The following YY1AP1 variants were observed in gnomAD, a reference collection of about 807,000 sequenced individuals.
The protein encoded by YY1AP1 is YY1-associated protein 1.
YY1AP1 carries 43 observed loss-of-function variants against 39.9 expected under a neutral mutation model. The observed-to-expected ratio is 1.08, with a 90% confidence interval of 0.84 to 1.39. The LOEUF (loss-of-function observed/expected upper bound fraction) is 1.39, where lower values mean the gene tolerates loss of function less well. Ranked by LOEUF, YY1AP1 falls within the 40% of genes most tolerant of loss-of-function variation. The probability of loss-of-function intolerance (pLI) is 0.00; values close to 1 mark genes in which losing one functional copy is unlikely to be tolerated. For synonymous variants in YY1AP1, 292 were observed against 331.3 expected, an observed-to-expected ratio of 0.88 and a Z score of 1.29; for missense variants, 813 against 900.7, an observed-to-expected ratio of 0.90 and a Z score of 1.25.
chr1:155,679,160 G>A (rs991326606), intron 4 of YY1AP1: 70 of 1,439,966 alleles, frequency 4.9e-5, no homozygotes, highest in South Asian at 1.5e-4. Context: ...CCACTCACCC[G>A]GAGAAGTGGA....
At chr1:155,666,700 T>TA (rs545069816) in intron 9 of YY1AP1, among the ~76,000 whole-genome samples, 12,054 of 144,392 alleles carry the variant, frequency 0.083, 512 homozygotes, top group Middle Eastern at 0.13. Flanking sequence ...ACCCCATCCC[T>TA]AAAAAAAAAA....
Position 155,659,551 on chromosome 1 carries a change from T to G in YY1AP1, c.*106A>C. ...GCTCAAGAGCCCCAGTTGCAAAATC[T>G]GGGGTTTAAGTACCCTTTAGGGGTT... On this transcript the variant is annotated 3_prime_UTR_variant, in exon 11 of 11. Coordinates refer to ENST00000355499, the MANE Select transcript of YY1AP1 (RefSeq NM_139119.3). The G allele has an allele frequency of 7.9e-7, 1 of 1,268,006 alleles. No individual in the cohort carries two copies. Among genetic ancestry groups the G allele is most frequent in the Non-Finnish European group, 1.1e-6 (1 of 910,664 alleles). 78.5% of individuals were successfully genotyped at this position (1,268,006 alleles called of 1,614,324 possible). A position where few individuals can be genotyped will look rare whatever the true frequency, so the allele number is the denominator to read the frequency against.
Position 155,661,391 on chromosome 1 carries a change from T to C in YY1AP1, c.912A>G (p.Leu304=), listed in dbSNP as rs1476623854. 1 of 1,613,836 alleles carries C rather than the reference T, an allele frequency of 6.2e-7. No homozygotes were observed. Among genetic ancestry groups the C allele is most frequent in the East Asian group, 2.2e-5 (1 of 44,890 alleles). The change falls in exon 10 of 11, where the codon CTA becomes CTG. Residue 304 remains leucine (L), a synonymous_variant. Transcript: ENST00000355499. The part of the protein sequence containing the change: ...FYKKTKQLPV[L]GKCCEEIQPH... ...GCTGGATCTCTTCACAGCATTTTCC[T>C]AGGACTGGCAGCTGTTTGGTCTTCT...
At chr1:155,677,480 T>G (rs1650871734) in intron 4 of YY1AP1, among the ~76,000 whole-genome samples, 1 of 152,240 alleles carries the variant, frequency 6.6e-6, no homozygotes, top group Admixed American at 6.5e-5. Context: ...AAAGGGAGAA[T>G]AATATACCTA....
At chr1:155,671,648 C>A (rs1649880845) in intron 7 of YY1AP1, among the ~76,000 whole-genome samples, 1 of 152,084 alleles carries the variant, frequency 6.6e-6, no homozygotes, top group South Asian at 2.1e-4. Flanking sequence ...GGCACCTCTG[C>A]ATTTCTAGAG....
rs757070737 is a variant in YY1AP1 at position 155,660,346 on chromosome 1, G to A, written c.1564C>T (p.Arg522Ter). The A allele has an allele frequency of 2.0e-5, 33 of 1,614,024 alleles. No individual in the cohort carries two copies. Among genetic ancestry groups the A allele is most frequent in the South Asian group, 5.5e-5 (5 of 91,080 alleles). Residue 522 changes from arginine (R) to a stop codon, truncating the protein, a stop_gained, in exon 11 of 11, where the codon CGA (arginine) becomes TGA (stop). Transcript: ENST00000355499. LOFTEE classifies it low-confidence loss of function (END_TRUNC). ...GGTCTCCGTCTCACATATGGCTTTC[G>A]AAACATGGAAGAGGCAGGGGAGGGC... The part of the protein sequence containing the change: ...MMPSPASSMF[R>*]KPYVRRRPSK...
At position 155,676,434 on chromosome 1, in the gene YY1AP1, G is replaced by C. The variant is rs607036; in HGVS notation, c.324+114C>G. On this transcript the variant is annotated intron_variant, in intron 5 of 10. Transcript: ENST00000355499. ...TGTGAAGATACTACGGTTTTAATACGTAGTAAGGTAACTATCTCTGACATT... is the reference window on the plus strand; with the variant it reads ...TGTGAAGATACTACGGTTTTAATACCTAGTAAGGTAACTATCTCTGACATT... 61 of 1,266,404 alleles carry C rather than the reference G, an allele frequency of 4.8e-5. No homozygotes were observed. The African/African-American group carries it at 8.7e-4, about 18-fold the overall frequency. The allele number at this position is 1,266,404 out of a possible 1,614,324, so 78.4% of individuals were successfully genotyped here.
At chr1:155,665,377 A>G (rs1042351650) in intron 9 of YY1AP1, among the ~76,000 whole-genome samples, 10 of 152,036 alleles carry the variant, frequency 6.6e-5, no homozygotes, top group African/African-American at 2.4e-4. Flanking sequence ...AAACGGGTGG[A>G]TCAAGAGGTC....
Position 155,672,542 on chromosome 1 carries a change from G to C in YY1AP1, c.583+18C>G, listed in dbSNP as rs1409442981. 6.2e-6 allele frequency: 10 copies of C among 1,604,966 alleles called. No homozygotes were observed. In the Admixed American group the frequency reaches 1.5e-4, roughly 24 times the overall value. On this transcript the variant is annotated intron_variant, in intron 7 of 10. Transcript: ENST00000355499. ...TCACCGCAAGTAAAAACTTAAAGCT[G>C]ACACATCTGTCTCCTACCAGTCTTC...
intron 8 of YY1AP1, 88 bp downstream of exon 8, chr1:155,670,232 T>A (rs184854821): frequency 6.4e-7 from 1 of 1,571,206 alleles, no homozygotes; most frequent in East Asian, 2.2e-5. Context: ...TGTCCATGTC[T>A]TATTATACAA....
chr1:155,664,125 G>GAA (rs749401754), intron 9 of YY1AP1, among the ~76,000 whole-genome samples: 2 of 129,522 alleles, frequency 1.5e-5, no homozygotes, highest in Admixed American at 7.9e-5. Flanking sequence ...CCCTGTCTCG[G>GAA]AAAAAAAAAA....
rs1392383034 is a variant in YY1AP1, at chr1:155,688,510, G to A, written c.-152+149C>T. 1.9e-6 allele frequency: 3 copies of A among 1,546,482 alleles called. No homozygotes were observed. The African/African-American group carries it at 4.1e-5, about 21-fold the overall frequency. ...CACGCGTACGAGTGTCTACGGGCTC[G>A]TCGCTGGCTGCTCCCACCAACCACC... On this transcript the variant is annotated intron_variant, in intron 1 of 10. Transcript: ENST00000355499.
At position 155,660,120 on chromosome 1, in the gene YY1AP1, G is replaced by A; in HGVS notation, c.1790C>T (p.Pro597Leu). 4 of 1,614,216 alleles carry A rather than the reference G, an allele frequency of 2.5e-6. No homozygotes were observed. The highest frequency in any genetic ancestry group is 3.4e-6 in the Non-Finnish European group (4 of 1,180,038). The part of the protein sequence containing the change: ...TIPIATLLVN[P>L]TSFPCPLNQP... ...GTTCAATGGACAGGGGAAGGAAGTA[G>A]GGTTAACCAAGAGGGTGGCGATGGG... Residue 597 changes from proline to leucine, a missense_variant, in exon 11 of 11, where the codon CCT becomes CTT. Transcript: ENST00000355499.
chr1:155,659,608 C>CGGA lies in YY1AP1; in HGVS notation c.*46_*48dup. 1 of 1,600,320 alleles carries CGGA rather than the reference C, an allele frequency of 6.2e-7. No individual in the cohort carries two copies. The highest frequency in any genetic ancestry group is 8.5e-7 in the Non-Finnish European group (1 of 1,170,594). On this transcript the variant is annotated 3_prime_UTR_variant, in exon 11 of 11. Transcript: ENST00000355499. ...TGGTTACACCCTATGCGCCACCAAT[C>CGGA]GGAGGCCGAAGTGAAGGCTCCCAGT...
At position 155,659,773 on chromosome 1, in the gene YY1AP1, C is replaced by A; in HGVS notation, c.2137G>T (p.Glu713Ter). 2 of 1,614,222 alleles carry A rather than the reference C, an allele frequency of 1.2e-6. No individual in the cohort carries two copies. Among genetic ancestry groups the A allele is most frequent in the Non-Finnish European group, 1.7e-6 (2 of 1,180,034 alleles). The change falls in exon 11 of 11, where the codon GAG (glutamate) becomes TAG (stop). Residue 713 changes from glutamate (E) to a stop codon, truncating the protein, a stop_gained. Transcript: ENST00000355499. LOFTEE classifies it low-confidence loss of function (END_TRUNC). ...TCCTGGATGCCCTGAGGGAGCGGCT[C>A]CAGAGCTTGCCTTCCCTCCTCTGTT... ...VKTEEGRQAL[E>*]PLPQGIQESL...
At chr1:155,669,526 ATAT>A (rs1209863027) in intron 8 of YY1AP1, among the ~76,000 whole-genome samples, 1 of 152,232 alleles carries the variant, frequency 6.6e-6, no homozygotes, top group Non-Finnish European at 1.5e-5. Context: ...GATGAGCTGT[ATAT>A]TAACAACACA....
At position 155,660,387 on chromosome 1, in the gene YY1AP1, A is replaced by G. The variant is rs868308436; in HGVS notation, c.1523T>C (p.Val508Ala). 1.2e-6 allele frequency: 2 copies of G among 1,614,214 alleles called. No homozygotes were observed. The highest frequency in any genetic ancestry group is 1.7e-6 in the Non-Finnish European group (2 of 1,180,040). ...ESQTLLSSAPVPKVMMPSPAS... is the reference protein window; with the variant it reads ...ESQTLLSSAPAPKVMMPSPAS... ...AGGGGAGGGCATCATTACCTTGGGCACAGGGGCAGAAGAGAGCAAAGTCTG... is the reference window on the plus strand; with the variant it reads ...AGGGGAGGGCATCATTACCTTGGGCGCAGGGGCAGAAGAGAGCAAAGTCTG... Residue 508 changes from valine to alanine, a missense_variant, in exon 11 of 11, where the codon GTG (valine) becomes GCG (alanine). This residue lies in a region of YY1AP1 where 586 missense variants were observed against 647.4 expected (regional missense o/e 0.91). Transcript: ENST00000355499.
intron 9 of YY1AP1, among the ~76,000 whole-genome samples, chr1:155,662,551 G>A (rs940418117): frequency 1.3e-5 from 2 of 151,122 alleles, no homozygotes; most frequent in Non-Finnish European, 1.5e-5. Flanking sequence ...ATGACAATAA[G>A]CATCTGTTCA....
At chr1:155,680,897 T>A (rs972324391) in intron 2 of YY1AP1, among the ~76,000 whole-genome samples, 1 of 150,616 alleles carries the variant, frequency 6.6e-6, no homozygotes, top group Non-Finnish European at 1.5e-5. Flanking sequence ...AAAACATTTA[T>A]TGAGTACTTA....
Sources: allele counts gnomAD v4.1 joint callset (sites outside exome capture counted in the v4.1 genomes callset), GRCh38; gene constraint gnomAD v4.1.1; regional missense constraint gnomAD v4.1.1; transcripts MANE v1.5; gene names NCBI Gene and HGNC (gene_info 2026-07-23, HGNC 2026-07-21).